DLGAP2: variants seen among roughly 807,000 people sequenced by gnomAD.
DLGAP2 encodes disks large-associated protein 2.
Under a neutral mutation model 100.3 loss-of-function variants are expected in DLGAP2, and 26 were observed. That is an observed-to-expected ratio of 0.26 (90% CI 0.19 to 0.36). The LOEUF (loss-of-function observed/expected upper bound fraction) is 0.36, where lower values mean the gene tolerates loss of function less well. Ranked by LOEUF, DLGAP2 falls within the 10% of genes least tolerant of loss-of-function variation. The pLI is 1.00. For missense variants in DLGAP2, 1,858 were observed against 1,453.2 expected (o/e 1.28, Z -4.53); for synonymous variants, 886 against 630.1 (o/e 1.41, Z -6.08).
chr8:1,560,320 T>C (rs972478850), intron 5 of DLGAP2, among the ~76,000 whole-genome samples: 1 of 152,204 alleles, frequency 6.6e-6, no homozygotes, highest in Non-Finnish European at 1.5e-5. Flanking sequence ...TCTGGAATAG[T>C]ATTTTGGGTA....
intron 2 of DLGAP2, among the ~76,000 whole-genome samples, chr8:989,039 G>A (rs1404802312): frequency 6.6e-6 from 1 of 152,146 alleles, no homozygotes; most frequent in Non-Finnish European, 1.5e-5. Flanking sequence ...GCTGTCGAGG[G>A]CTCTCCAGGT....
At chr8:1,294,542 G>A (rs1563066215) in intron 3 of DLGAP2, among the ~76,000 whole-genome samples, 1 of 152,230 alleles carries the variant, frequency 6.6e-6, no homozygotes, top group Non-Finnish European at 1.5e-5. Context: ...GCTCTTTACA[G>A]CGAGGATGGT....
chr8:1,279,058 G>C (rs952810859), intron 3 of DLGAP2, among the ~76,000 whole-genome samples: 2 of 152,204 alleles, frequency 1.3e-5, no homozygotes, highest in Admixed American at 1.3e-4. Flanking sequence ...CAGGGGGTGT[G>C]CTTTAACTGC....
intron 3 of DLGAP2, among the ~76,000 whole-genome samples, chr8:1,309,488 G>C (rs149520805): frequency 2.2e-3 from 335 of 152,264 alleles, no homozygotes; most frequent in African/African-American, 7.7e-3. Context: ...ATTTTAAGAA[G>C]TTTATAGTCA....
At chr8:1,124,129 A>G (rs1040617011) in intron 2 of DLGAP2, among the ~76,000 whole-genome samples, 1 of 152,186 alleles carries the variant, frequency 6.6e-6, no homozygotes, top group Non-Finnish European at 1.5e-5. Context: ...GCCAATAAAA[A>G]TGTCAGGTGC....
intron 3 of DLGAP2, among the ~76,000 whole-genome samples, chr8:1,472,978 T>G (rs895895297): frequency 1.3e-5 from 2 of 152,334 alleles, no homozygotes; most frequent in East Asian, 3.9e-4. Flanking sequence ...TTGTCCAGGC[T>G]GGAGTGCAGT....
intron 3 of DLGAP2, chr8:1,301,458 A>C (rs1317522492): frequency 6.7e-6 from 1 of 149,684 alleles, no homozygotes; most frequent in African/African-American, 2.5e-5. Context: ...TTTTTTTCTT[A>C]ATGAAGTTTT....
At chr8:1,268,776 C>T (rs1352835992) in intron 3 of DLGAP2, among the ~76,000 whole-genome samples, 1 of 152,188 alleles carries the variant, frequency 6.6e-6, no homozygotes, top group East Asian at 1.9e-4. Context: ...AATTATGCAC[C>T]TCATGTTGCA....
intron 1 of DLGAP2, among the ~76,000 whole-genome samples, chr8:788,098 C>A (rs1212871400): frequency 6.6e-6 from 1 of 152,200 alleles, no homozygotes; most frequent in African/African-American, 2.4e-5. Flanking sequence ...TTGGGTCTCC[C>A]CCCACCAGGA....
intron 2 of DLGAP2, among the ~76,000 whole-genome samples, chr8:1,136,423 G>C (rs1336699128): frequency 2.0e-5 from 3 of 152,230 alleles, no homozygotes; most frequent in Admixed American, 6.5e-5. Flanking sequence ...TGCAGCAGCA[G>C]ATCTGGACAG....
intron 1 of DLGAP2, among the ~76,000 whole-genome samples, chr8:872,920 A>C (rs1388702122): frequency 6.6e-6 from 1 of 152,200 alleles, no homozygotes; most frequent in Non-Finnish European, 1.5e-5. Flanking sequence ...CGGATGCTCA[A>C]GTCCCTGATG....
chr8:1,125,710 C>G (rs1796148512), intron 2 of DLGAP2, among the ~76,000 whole-genome samples: 1 of 152,234 alleles, frequency 6.6e-6, no homozygotes. Flanking sequence ...TTGTGCATTT[C>G]AGACTCGCAA....
rs556716873 is a variant in DLGAP2, at chr8:788,319, G to A, written c.18+50494G>A. 2.0e-5 allele frequency among the ~76,000 whole-genome samples: 3 copies of A among 152,304 alleles called. No individual in the cohort carries two copies. The East Asian group carries it at 5.8e-4, about 29-fold the overall frequency. On this transcript the variant is annotated intron_variant, in intron 1 of 14. Coordinates refer to ENST00000637795, the MANE Select transcript of DLGAP2 (RefSeq NM_001346810.2). ...GGTCGAGATAGCAGCATTCAGTCGA[G>A]GCCTTGGCATCTGTGTTCACATGGT...
intron 2 of DLGAP2, among the ~76,000 whole-genome samples, chr8:1,238,648 C>T (rs1798719608): frequency 8.1e-6 from 1 of 123,110 alleles, no homozygotes; most frequent in Non-Finnish European, 1.8e-5. Context: ...TTACCTCTCA[C>T]ATGGTGCCGT....
intron 3 of DLGAP2, among the ~76,000 whole-genome samples, chr8:1,284,122 A>T (rs1331434232): frequency 6.6e-6 from 1 of 152,204 alleles, no homozygotes; most frequent in African/African-American, 2.4e-5. Flanking sequence ...AAAGTGAGAC[A>T]CCTCAGAGCA....
chr8:1,012,006 A>AG (rs769770515), intron 2 of DLGAP2, among the ~76,000 whole-genome samples: 9 of 152,192 alleles, frequency 5.9e-5, no homozygotes, highest in Non-Finnish European at 1.3e-4. Flanking sequence ...GCTCAAGTCC[A>AG]GGGGCATGGC....
At chr8:1,284,960 G>C (rs905971934) in intron 3 of DLGAP2, among the ~76,000 whole-genome samples, 1 of 152,142 alleles carries the variant, frequency 6.6e-6, no homozygotes, top group African/African-American at 2.4e-5. Flanking sequence ...CAGATTCTTA[G>C]GGCTCAAAGC....
intron 3 of DLGAP2, among the ~76,000 whole-genome samples, chr8:1,409,752 G>A (rs1178658149): frequency 2.0e-5 from 3 of 152,180 alleles, no homozygotes; most frequent in African/African-American, 4.8e-5. Flanking sequence ...ACTGAAAGAG[G>A]AAGGGAGGAC....
intron 2 of DLGAP2, among the ~76,000 whole-genome samples, chr8:939,853 G>A (rs536417762): frequency 3.7e-4 from 56 of 151,136 alleles, no homozygotes; most frequent in African/African-American, 1.3e-3. Flanking sequence ...GTGCCTGGGA[G>A]TGGGAGGTGC....
Sources: gnomAD v4.1 joint callset for allele counts (sites outside exome capture counted in the v4.1 genomes callset) on GRCh38, gnomAD v4.1.1 for gene constraint, MANE v1.5 for transcripts, NCBI Gene and HGNC (gene_info 2026-07-23, HGNC 2026-07-21) for gene names.